The following PLCB4 variants were observed in gnomAD, a reference collection of about 807,000 sequenced individuals.
PLCB4 encodes 1-phosphatidylinositol 4,5-bisphosphate phosphodiesterase beta-4.
In PLCB4, 77 loss-of-function variants were observed where a neutral mutation model predicts 178.8. The observed-to-expected ratio is 0.43, with a 90% CI of 0.36 to 0.52. PLCB4 has a LOEUF of 0.52. PLCB4 is among the 20% of genes least tolerant of loss of function. PLCB4 has a pLI of 0.00. For synonymous variants in PLCB4, 496 were observed against 490.8 expected (o/e 1.01, Z -0.14); for missense variants, 1,024 against 1,453.4 (o/e 0.70, Z 4.80).
chr20:9,264,870 G>T (rs571434645), intron 3 of PLCB4, among the ~76,000 whole-genome samples: 12 of 152,236 alleles, frequency 7.9e-5, no homozygotes, highest in Non-Finnish European at 1.5e-4. Flanking sequence ...ATTCTAATGT[G>T]CAACCAGTGT....
chr20:9,110,753 T>G (rs1326105005), intron 2 of PLCB4, among the ~76,000 whole-genome samples: 1 of 152,214 alleles, frequency 6.6e-6, no homozygotes, highest in South Asian at 2.1e-4. Flanking sequence ...CCAAATGTCC[T>G]CTTCACCAAT....
intron 38 of PLCB4, among the ~76,000 whole-genome samples, chr20:9,474,195 C>T (rs6086894): frequency 0.083 from 12,465 of 149,640 alleles, 671 homozygotes; most frequent in East Asian, 0.3. Flanking sequence ...CCAGCCTGAG[C>T]GACAGAGTGA....
rs139405218 is a variant in PLCB4, at chr20:9,451,397, T to C, written c.2881-1950T>C. ...CCTTTCAATGATATTTGCAAGATAA[T>C]ATAGGACTGTGGCACTTCTGATATA... On this transcript the variant is annotated intron_variant, in intron 32 of 39. Coordinates refer to ENST00000378473, the MANE Select transcript of PLCB4 (RefSeq NM_001377142.1). Among the ~76,000 whole-genome samples, 1,445 of 152,314 alleles carry C rather than the reference T, an allele frequency of 9.5e-3. 7 individuals carry two copies. Among genetic ancestry groups the C allele is most frequent in the Middle Eastern group, 0.027 (8 of 294 alleles).
intron 36 of PLCB4, among the ~76,000 whole-genome samples, chr20:9,471,037 T>G (rs1237658291): frequency 6.6e-6 from 1 of 152,180 alleles, no homozygotes; most frequent in African/African-American, 2.4e-5. Context: ...ACATAGAAAC[T>G]GAAAATCATA....
At chr20:9,429,825 C>T (rs2041272452) in intron 28 of PLCB4, among the ~76,000 whole-genome samples, 1 of 152,286 alleles carries the variant, frequency 6.6e-6, no homozygotes, top group African/African-American at 2.4e-5. Flanking sequence ...ATGCTGAGCC[C>T]TTTGCACTTT....
chr20:9,251,515 G>T (rs1288483724), intron 3 of PLCB4, among the ~76,000 whole-genome samples: 1 of 152,302 alleles, frequency 6.6e-6, no homozygotes, highest in Admixed American at 6.5e-5. Context: ...GGACCTGGAT[G>T]CTTGTCTCCT....
chr20:9,411,527 A>G (rs914011297), intron 25 of PLCB4, among the ~76,000 whole-genome samples: 2 of 152,184 alleles, frequency 1.3e-5, no homozygotes, highest in Admixed American at 1.3e-4. Flanking sequence ...GTTGGGAATA[A>G]ACCTTTGTCC....
intron 33 of PLCB4, among the ~76,000 whole-genome samples, chr20:9,456,796 C>T (rs1370437721): frequency 2.0e-5 from 3 of 152,154 alleles, no homozygotes; most frequent in African/African-American, 7.2e-5. Context: ...GCTATAATAA[C>T]CTAGAGTATA....
chr20:9,141,382 G>A (rs1292144955), intron 2 of PLCB4, among the ~76,000 whole-genome samples: 1 of 152,024 alleles, frequency 6.6e-6, no homozygotes, highest in African/African-American at 2.4e-5. Flanking sequence ...GTTCTTCTGT[G>A]GCATGCTATT....
intron 12 of PLCB4, among the ~76,000 whole-genome samples, chr20:9,375,770 G>A (rs535525567): frequency 3.9e-5 from 6 of 152,090 alleles, no homozygotes; most frequent in African/African-American, 1.4e-4. Context: ...ACAATTCCAC[G>A]GAAAAACTGT....
At chr20:9,120,127 G>T (rs1452994354) in intron 2 of PLCB4, among the ~76,000 whole-genome samples, 1 of 152,170 alleles carries the variant, frequency 6.6e-6, no homozygotes, top group Non-Finnish European at 1.5e-5. Flanking sequence ...ATCCCTCCTT[G>T]CTCTCCTTAT....
At chr20:9,229,284 G>T (rs1472346396) in intron 3 of PLCB4, among the ~76,000 whole-genome samples, 1 of 152,050 alleles carries the variant, frequency 6.6e-6, no homozygotes, top group East Asian at 1.9e-4. Flanking sequence ...TCATTAAACG[G>T]GTACAGAATG....
At chr20:9,465,923 G>A (rs2043749833) in intron 35 of PLCB4, among the ~76,000 whole-genome samples, 1 of 152,002 alleles carries the variant, frequency 6.6e-6, no homozygotes, top group Non-Finnish European at 1.5e-5. Context: ...TCACAGAATT[G>A]GAAAAAACTA....
At chr20:9,462,078 T>C (rs1467105954) in intron 35 of PLCB4, among the ~76,000 whole-genome samples, 1 of 152,066 alleles carries the variant, frequency 6.6e-6, no homozygotes, top group African/African-American at 2.4e-5. Flanking sequence ...CAGGCAGCAA[T>C]ATTTGCTGTT....
At chr20:9,241,281 C>T (rs1258013520) in intron 3 of PLCB4, among the ~76,000 whole-genome samples, 3 of 152,082 alleles carry the variant, frequency 2.0e-5, no homozygotes, top group Non-Finnish European at 1.5e-5. Flanking sequence ...TTACACACCT[C>T]CCTTGTACTT....
intron 2 of PLCB4, among the ~76,000 whole-genome samples, chr20:9,114,954 A>G (rs916254383): frequency 1.3e-5 from 2 of 152,176 alleles, no homozygotes; most frequent in Non-Finnish European, 2.9e-5. Context: ...GTGTTTGGCC[A>G]TGAATCCACC....
At chr20:9,086,405 C>T (rs770454626) in intron 1 of PLCB4, among the ~76,000 whole-genome samples, 3 of 151,964 alleles carry the variant, frequency 2.0e-5, no homozygotes, top group Non-Finnish European at 2.9e-5. Flanking sequence ...GTATGATGTG[C>T]ATTGTGGGGT....
At position 9,069,436 on chromosome 20, in the gene PLCB4, A is replaced by G. The variant is rs149639971; in HGVS notation, c.-135+230A>G. Among the ~76,000 whole-genome samples, 1,338 of 151,370 alleles carry G rather than the reference A, an allele frequency of 8.8e-3. 16 individuals carry two copies. Among genetic ancestry groups the G allele is most frequent in the African/African-American group, 0.031 (1,267 of 41,208 alleles). ...GTCATCGCCTGCTGGGTTTCCTCAGACTCTCTCCAGACGTTCACCCTCTTC... is the reference window on the plus strand; with the variant it reads ...GTCATCGCCTGCTGGGTTTCCTCAGGCTCTCTCCAGACGTTCACCCTCTTC... On this transcript the variant is annotated intron_variant, in intron 1 of 39. Transcript: ENST00000378473.
At chr20:9,367,530 C>A (rs1171980910) in intron 9 of PLCB4, among the ~76,000 whole-genome samples, 5 of 152,104 alleles carry the variant, frequency 3.3e-5, no homozygotes, top group Non-Finnish European at 4.4e-5. Flanking sequence ...TTAATGTATC[C>A]CAGTACCCTA....
Sources: allele counts gnomAD v4.1 joint callset (sites outside exome capture counted in the v4.1 genomes callset), GRCh38; gene constraint gnomAD v4.1.1; transcripts MANE v1.5; gene names NCBI Gene and HGNC (gene_info 2026-07-23, HGNC 2026-07-21).